RCAN1: variants seen among roughly 807,000 people sequenced by gnomAD.
RCAN1 encodes calcipressin-1.
RCAN1 carries 11 observed loss-of-function variants against 22.9 expected under a neutral mutation model. That is an observed-to-expected ratio of 0.48 (90% CI 0.30 to 0.79). The LOEUF (loss-of-function observed/expected upper bound fraction) is 0.79. Ranked by LOEUF, RCAN1 falls within the 30% of genes least tolerant of loss-of-function variation. The probability of loss-of-function intolerance (pLI) is 0.06; values close to 1 mark genes in which losing one functional copy is unlikely to be tolerated. For missense variants in RCAN1, 291 were observed against 337.8 expected, an observed-to-expected ratio of 0.86 and a Z score of 1.09; for synonymous variants, 136 against 142.3, an observed-to-expected ratio of 0.96 and a Z score of 0.32.
intron 1 of RCAN1, among the ~76,000 whole-genome samples, chr21:34,565,926 G>T (rs1391181421): frequency 6.6e-6 from 1 of 152,188 alleles, no homozygotes; most frequent in East Asian, 1.9e-4. Flanking sequence ...CCCAATGTGT[G>T]TGTGTTCGTG....
rs561664522 is a variant in RCAN1 at position 34,529,524 on chromosome 21, T to C, written c.253-5814A>G. On this transcript the variant is annotated intron_variant, in intron 1 of 3. Transcript: ENST00000313806. ...TCTGTCTTTGACTGCATGTCTATTA[T>C]ACGTGAACTTGCATTTCTAAAGGTC... 3.3e-5 allele frequency among the ~76,000 whole-genome samples: 5 copies of C among 152,364 alleles called. No homozygotes were observed. The East Asian group carries it at 7.7e-4, about 24-fold the overall frequency.
chr21:34,544,459 G>A (rs944377750), intron 1 of RCAN1, among the ~76,000 whole-genome samples: 3 of 152,194 alleles, frequency 2.0e-5, no homozygotes, highest in African/African-American at 7.2e-5. Flanking sequence ...CAGCCCAGGA[G>A]AGAACCGGTT....
chr21:34,610,650 C>A (rs1295706218), intron 1 of RCAN1, among the ~76,000 whole-genome samples: 1 of 152,188 alleles, frequency 6.6e-6, no homozygotes, highest in African/African-American at 2.4e-5. Flanking sequence ...ATTAGAATCA[C>A]CTGGGGAGCT....
intron 1 of RCAN1, among the ~76,000 whole-genome samples, chr21:34,611,233 G>C (rs1431807157): frequency 6.6e-6 from 1 of 151,634 alleles, no homozygotes; most frequent in Non-Finnish European, 1.5e-5. Context: ...TTTCTAAATA[G>C]AAAAGAAAAA....
At chr21:34,576,444 G>T (rs1987413456) in intron 1 of RCAN1, among the ~76,000 whole-genome samples, 1 of 152,214 alleles carries the variant, frequency 6.6e-6, no homozygotes, top group African/African-American at 2.4e-5. Flanking sequence ...GTCCAACTCG[G>T]ACACAAACCC....
At chr21:34,555,476 G>A (rs979899527) in intron 1 of RCAN1, among the ~76,000 whole-genome samples, 2 of 151,988 alleles carry the variant, frequency 1.3e-5, no homozygotes, top group Non-Finnish European at 1.5e-5. Context: ...GGGAGGCCAA[G>A]GCAGGAAGAT....
chr21:34,595,437 T>C (rs1028052125), intron 1 of RCAN1, among the ~76,000 whole-genome samples: 6 of 152,210 alleles, frequency 3.9e-5, no homozygotes, highest in Non-Finnish European at 8.8e-5. Context: ...ATCCTAGTAA[T>C]TTTGTGTTCT....
At chr21:34,554,607 G>A (rs911225917) in intron 1 of RCAN1, among the ~76,000 whole-genome samples, 1 of 152,206 alleles carries the variant, frequency 6.6e-6, no homozygotes, top group Admixed American at 6.5e-5. Flanking sequence ...GTGTGAAGTA[G>A]TCTTGTCCAA....
At chr21:34,571,432 T>G (rs1219045925) in intron 1 of RCAN1, among the ~76,000 whole-genome samples, 3 of 152,260 alleles carry the variant, frequency 2.0e-5, no homozygotes, top group Non-Finnish European at 2.9e-5. Flanking sequence ...TTACAAAATT[T>G]AAACTTGTAT....
rs376607077 is a variant in RCAN1, at chr21:34,558,626, A to G, written c.253-34916T>C. On this transcript the variant is annotated intron_variant, in intron 1 of 3. Coordinates refer to ENST00000313806, the MANE Select transcript of RCAN1 (RefSeq NM_004414.7). ...TCTACAGAAAATCTGGCCATCTCAA[A>G]CAACTTAACGTATTTCCTAAAGATT... Among the ~76,000 whole-genome samples the G allele has an allele frequency of 9.4e-3, 1,335 of 141,424 alleles. 18 individuals carry two copies. The highest frequency in any genetic ancestry group is 0.035 in the African/African-American group (1,233 of 35,514). The allele number at this position is 141,424 out of a possible 152,430, so 92.8% of individuals were successfully genotyped here.
At chr21:34,573,676 TACA>T (rs1987312577) in intron 1 of RCAN1, among the ~76,000 whole-genome samples, 1 of 152,220 alleles carries the variant, frequency 6.6e-6, no homozygotes, top group South Asian at 2.1e-4. Flanking sequence ...CCCTGTGTGC[TACA>T]ACATGTTCCT....
chr21:34,550,319 T>C (rs1986320419), intron 1 of RCAN1, among the ~76,000 whole-genome samples: 1 of 152,220 alleles, frequency 6.6e-6, no homozygotes. Context: ...GTGAACTTTG[T>C]TTTGGCTGAA....
At chr21:34,553,996 G>A (rs1218222170) in intron 1 of RCAN1, among the ~76,000 whole-genome samples, 5 of 152,178 alleles carry the variant, frequency 3.3e-5, no homozygotes, top group Non-Finnish European at 5.9e-5. Flanking sequence ...TAAAGGAACT[G>A]GAGTACTTTA....
chr21:34,563,794 TAG>T lies in RCAN1; in HGVS notation c.253-40086_253-40085del, dbSNP rs60116779. Among the ~76,000 whole-genome samples, 146 of 48,708 alleles carry T rather than the reference TAG, an allele frequency of 3.0e-3. 1 individual carries two copies. Among genetic ancestry groups the T allele is most frequent in the East Asian group, 7.1e-3 (17 of 2,394 alleles). 32.0% of individuals were successfully genotyped at this position (48,708 alleles called of 152,430 possible). On this transcript the variant is annotated intron_variant, in intron 1 of 3. Transcript: ENST00000313806. ...AAATATATATATATATATATATATA[TAG>T]AGAGAGAGAGAGAGAGAGAGAGAGG...
chr21:34,537,805 G>A (rs565997218), intron 1 of RCAN1, among the ~76,000 whole-genome samples: 2 of 151,750 alleles, frequency 1.3e-5, no homozygotes, highest in Admixed American at 1.3e-4. Flanking sequence ...AGAGGGCATG[G>A]CCCTCACTCC....
intron 1 of RCAN1, among the ~76,000 whole-genome samples, chr21:34,560,486 G>C (rs2123663090): frequency 6.6e-6 from 1 of 152,286 alleles, no homozygotes; most frequent in Non-Finnish European, 1.5e-5. Flanking sequence ...GCAAACAATA[G>C]TGCCCATACT....
chr21:34,558,143 C>T (rs1399284199), intron 1 of RCAN1, among the ~76,000 whole-genome samples: 2 of 152,160 alleles, frequency 1.3e-5, no homozygotes, highest in Non-Finnish European at 2.9e-5. Context: ...TGCTGCCGAC[C>T]ATTCACAAGA....
chr21:34,530,631 T>G (rs796439897), intron 1 of RCAN1, among the ~76,000 whole-genome samples: 39,187 of 141,070 alleles, frequency 0.28, 6,131 homozygotes, highest in Middle Eastern at 0.33. Context: ...TTTTTTTTTT[T>G]TTTTTTTTTT....
At chr21:34,562,163 T>C (rs1435653068) in intron 1 of RCAN1, among the ~76,000 whole-genome samples, 1 of 152,178 alleles carries the variant, frequency 6.6e-6, no homozygotes, top group Non-Finnish European at 1.5e-5. Flanking sequence ...AAAACAATCA[T>C]CTTGCTCCAT....
Sources: gnomAD v4.1 joint callset for allele counts (sites outside exome capture counted in the v4.1 genomes callset) on GRCh38, gnomAD v4.1.1 for gene constraint, MANE v1.5 for transcripts, NCBI Gene and HGNC (gene_info 2026-07-23, HGNC 2026-07-21) for gene names.